The following RYR2 variants were observed in gnomAD, a reference collection of about 807,000 sequenced individuals.
The protein encoded by RYR2 is cardiac muscle ryanodine receptor-calcium release channel.
RYR2 carries 227 observed loss-of-function variants against 601.1 expected under a neutral mutation model. The ratio of observed to expected loss-of-function variants is 0.38; its 90% CI spans 0.34 to 0.42. The LOEUF is 0.42. Among genes scored for constraint, RYR2 ranks in the 10% least tolerant of loss-of-function variants. The pLI is 1.00. For synonymous variants in RYR2, 2,223 were observed against 2,175.1 expected, an observed-to-expected ratio of 1.02 and a Z score of -0.61; for missense variants, 4,646 against 6,156.5, an observed-to-expected ratio of 0.75 and a Z score of 8.21.
intron 1 of RYR2, among the ~76,000 whole-genome samples, chr1:237,146,471 A>G (rs895718098): frequency 1.3e-5 from 2 of 152,234 alleles, no homozygotes; most frequent in African/African-American, 4.8e-5. Context: ...AACCCACTTC[A>G]AATATGTAGA....
intron 1 of RYR2, among the ~76,000 whole-genome samples, chr1:237,205,660 T>G (rs1394501774): frequency 6.6e-6 from 1 of 152,156 alleles, no homozygotes; most frequent in African/African-American, 2.4e-5. Context: ...GAAGAAACAA[T>G]TTCTTTACTC....
At chr1:237,197,729 A>G (rs1046700178) in intron 1 of RYR2, among the ~76,000 whole-genome samples, 3 of 152,216 alleles carry the variant, frequency 2.0e-5, no homozygotes, top group East Asian at 1.9e-4. Context: ...ATAGGAAGCA[A>G]AATGAATAGA....
At chr1:237,439,373 G>A (rs570114341) in intron 12 of RYR2, among the ~76,000 whole-genome samples, 60 of 152,170 alleles carry the variant, frequency 3.9e-4, no homozygotes, top group African/African-American at 1.2e-3. Flanking sequence ...GGCCGGGAGC[G>A]GTGGCTCACA....
Position 237,778,481 on chromosome 1 carries a change from T to G in RYR2, c.11776-185T>G, listed in dbSNP as rs3766889. The stretch of plus-strand genomic sequence containing the variant: ...ATTAAATGTTTTAAAGAGGAACGTA[T>G]TTCTCTCTTAAGGATCATTATCATC... On this transcript the variant is annotated intron_variant, in intron 87 of 104. Coordinates refer to ENST00000366574, the MANE Select transcript of RYR2 (RefSeq NM_001035.3). Among the ~76,000 whole-genome samples the G allele has an allele frequency of 0.081, 12,322 of 152,134 alleles. 912 individuals carry two copies. Among genetic ancestry groups the G allele is most frequent in the African/African-American group, 0.19 (8,055 of 41,476 alleles).
chr1:237,633,072 G>C (rs1356125307), intron 42 of RYR2, among the ~76,000 whole-genome samples: 1 of 152,080 alleles, frequency 6.6e-6, no homozygotes, highest in Non-Finnish European at 1.5e-5. Flanking sequence ...AATCAGGGAG[G>C]TTGTAAATCC....
At chr1:237,283,577 T>C (rs1691129972) in intron 2 of RYR2, among the ~76,000 whole-genome samples, 1 of 152,208 alleles carries the variant, frequency 6.6e-6, no homozygotes, top group African/African-American at 2.4e-5. Flanking sequence ...CTAATAATAT[T>C]GATGTATCCA....
At chr1:237,665,103 TAAA>T (rs1558172771) in intron 56 of RYR2, among the ~76,000 whole-genome samples, 1 of 152,138 alleles carries the variant, frequency 6.6e-6, no homozygotes, top group African/African-American at 2.4e-5. Context: ...TTTAGCATAT[TAAA>T]AGAAAAACTC....
intron 1 of RYR2, among the ~76,000 whole-genome samples, chr1:237,155,248 G>A (rs951848925): frequency 1.0e-4 from 15 of 146,962 alleles, no homozygotes; most frequent in East Asian, 2.0e-4. Flanking sequence ...CGGTCTCAGC[G>A]CACTGCAATC....
chr1:237,297,131 G>A lies in RYR2; in HGVS notation c.168+26515G>A, dbSNP rs146765853. Reference sequence around the variant, plus strand: ...CAAAACAGTTGCCAAAAAAGCAAACGATAAAAGTACATATATAATTATTGT... The same window carrying A: ...CAAAACAGTTGCCAAAAAAGCAAACAATAAAAGTACATATATAATTATTGT... On this transcript the variant is annotated intron_variant, in intron 2 of 104. Transcript: ENST00000366574. Among the ~76,000 whole-genome samples the A allele has an allele frequency of 7.6e-3, 1,152 of 152,186 alleles. 14 individuals carry two copies. The highest frequency in any genetic ancestry group is 0.026 in the African/African-American group (1,085 of 41,518).
intron 1 of RYR2, among the ~76,000 whole-genome samples, chr1:237,193,167 C>CAAAAAACAAAAAAAAAAAAAA (rs1680174837): frequency 2.7e-5 from 1 of 37,400 alleles, no homozygotes; most frequent in Non-Finnish European, 4.9e-5. Context: ...GCTAAAAGTA[C>CAAAAAACAAAAAAAAAAAAAA]AAAAAAAAAA....
At chr1:237,473,431 C>CTTT (rs1466932341) in intron 17 of RYR2, among the ~76,000 whole-genome samples, 2 of 115,772 alleles carry the variant, frequency 1.7e-5, no homozygotes, top group Non-Finnish European at 3.7e-5. Context: ...CTCTCTCTCT[C>CTTT]TCTTTCTTTC....
intron 87 of RYR2, among the ~76,000 whole-genome samples, chr1:237,776,821 G>A (rs529276328): frequency 5.9e-5 from 9 of 152,142 alleles, no homozygotes; most frequent in Admixed American, 2.6e-4. Context: ...TTTATCTAAC[G>A]TGCGAGCCTG....
chr1:237,515,172 G>GATC (rs1369533926), intron 24 of RYR2, among the ~76,000 whole-genome samples: 16 of 152,184 alleles, frequency 1.1e-4, no homozygotes, highest in African/African-American at 3.9e-4. Context: ...CAGCTTGGCA[G>GATC]ATCATGCCTG....
intron 3 of RYR2, among the ~76,000 whole-genome samples, chr1:237,349,592 A>G (rs566722508): frequency 2.6e-5 from 4 of 152,202 alleles, no homozygotes; most frequent in South Asian, 2.1e-4. Context: ...ATTAAAATGC[A>G]TAACGATAAT....
chr1:237,178,447 TG>T (rs923791055), intron 1 of RYR2, among the ~76,000 whole-genome samples: 2 of 151,072 alleles, frequency 1.3e-5, no homozygotes, highest in African/African-American at 4.9e-5. Context: ...TGTGTGTGTG[TG>T]TGTGTGTGTG....
At chr1:237,348,913 T>C (rs2149658204) in intron 3 of RYR2, among the ~76,000 whole-genome samples, 1 of 152,274 alleles carries the variant, frequency 6.6e-6, no homozygotes, top group South Asian at 2.1e-4. Context: ...TGGGACATAG[T>C]TGAAGAAAGG....
rs1675084862 is a variant in RYR2, at chr1:237,590,905, G to A, written c.4073G>A (p.Arg1358His). Reference protein sequence around the residue: ...KTAHGHLVPDRVDKDKEATKP... With the variant: ...KTAHGHLVPDHVDKDKEATKP... ...GCTCATGGCCATCTAGTGCCCGATC[G>A]TGTTGACAAAGACAAAGAAGCTACT... The change falls in exon 31 of 105, where the codon CGT becomes CAT. Residue 1358 changes from arginine (R) to histidine (H), a missense_variant. Transcript: ENST00000366574. The A allele has an allele frequency of 5.6e-6, 9 of 1,613,862 alleles. No homozygotes were observed. Among genetic ancestry groups the A allele is most frequent in the African/African-American group, 1.3e-5 (1 of 75,010 alleles).
At chr1:237,479,954 T>C (rs1661852035) in intron 17 of RYR2, among the ~76,000 whole-genome samples, 1 of 152,166 alleles carries the variant, frequency 6.6e-6, no homozygotes, top group African/African-American at 2.4e-5. Context: ...TGAACCTCTG[T>C]AGTCTGTCTG....
chr1:237,730,475 A>G, intron 77 of RYR2, 119 bp downstream of exon 77: 1 of 531,096 alleles, frequency 1.9e-6, no homozygotes, highest in Non-Finnish European at 3.4e-6. Flanking sequence ...TATGGGTATT[A>G]GGAAACTTTT....
Sources: allele counts gnomAD v4.1 joint callset (sites outside exome capture counted in the v4.1 genomes callset), GRCh38; gene constraint gnomAD v4.1.1; transcripts MANE v1.5; gene names NCBI Gene and HGNC (gene_info 2026-07-23, HGNC 2026-07-21).